Variants in PDGFD observed in about 807,000 individuals in gnomAD.
The protein encoded by PDGFD is platelet derived growth factor D.
PDGFD carries 30 observed loss-of-function variants against 44.7 expected under a neutral mutation model. The ratio of observed to expected loss-of-function variants is 0.67; its 90% CI spans 0.50 to 0.91. PDGFD has a LOEUF of 0.91. Among genes scored for constraint, PDGFD ranks in the 40% least tolerant of loss-of-function variants. PDGFD has a pLI of 0.00. For synonymous variants in PDGFD, 173 were observed against 168.4 expected (o/e 1.03, Z -0.21); for missense variants, 445 against 457.8 (o/e 0.97, Z 0.25).
At chr11:104,144,164 C>T (rs536758484) in intron 1 of PDGFD, among the ~76,000 whole-genome samples, 1 of 152,208 alleles carries the variant, frequency 6.6e-6, no homozygotes, top group Admixed American at 6.5e-5. Context: ...TAAAAAGCAA[C>T]AACAAGAAAA....
chr11:104,040,984 T>C (rs368871324), intron 1 of PDGFD, among the ~76,000 whole-genome samples: 2 of 152,040 alleles, frequency 1.3e-5, no homozygotes, highest in Non-Finnish European at 2.9e-5. Context: ...GCTTTTTGAT[T>C]TCAAATGCCA....
intron 5 of PDGFD, among the ~76,000 whole-genome samples, chr11:103,938,911 G>T (rs998554053): frequency 6.6e-6 from 1 of 152,066 alleles, no homozygotes; most frequent in East Asian, 1.9e-4. Context: ...TCCATTGGTT[G>T]ATATCTCTGT....
At position 103,984,778 on chromosome 11, in the gene PDGFD, T is replaced by C. The variant is rs1000550372; in HGVS notation, c.510+11287A>G. On this transcript the variant is annotated intron_variant, in intron 3 of 6. Coordinates refer to ENST00000393158, the MANE Select transcript of PDGFD (RefSeq NM_025208.5). ...ATGTGGCTGAGGTGCTAAAAACTAG[T>C]TAAATATATTAAATAATTATATTTA... Among the ~76,000 whole-genome samples the C allele has an allele frequency of 2.1e-5, 3 of 145,686 alleles. No homozygotes were observed. The Admixed American group carries it at 2.1e-4, about 10-fold the overall frequency.
At chr11:104,015,758 T>C (rs1412540705) in intron 1 of PDGFD, among the ~76,000 whole-genome samples, 1 of 152,206 alleles carries the variant, frequency 6.6e-6, no homozygotes, top group African/African-American at 2.4e-5. Flanking sequence ...AGTTACAATA[T>C]CATGTGAGAG....
At chr11:104,054,885 G>A (rs1424707176) in intron 1 of PDGFD, among the ~76,000 whole-genome samples, 1 of 152,216 alleles carries the variant, frequency 6.6e-6, no homozygotes, top group Non-Finnish European at 1.5e-5. Context: ...CCAAGCACAG[G>A]TGGAGGGAAC....
intron 1 of PDGFD, chr11:104,037,363 C>T (rs753466565): frequency 6.2e-7 from 1 of 1,614,126 alleles, no homozygotes; most frequent in South Asian, 1.1e-5. Flanking sequence ...GACCTTTTCT[C>T]AGGTGCTGAT....
intron 3 of PDGFD, among the ~76,000 whole-genome samples, chr11:103,993,860 A>T (rs925434736): frequency 6.6e-6 from 1 of 152,208 alleles, no homozygotes. Flanking sequence ...GTCTGTAGCT[A>T]TTCTCAATGG....
chr11:104,092,175 AT>A (rs1449240546), intron 1 of PDGFD, among the ~76,000 whole-genome samples: 2 of 152,148 alleles, frequency 1.3e-5, no homozygotes, highest in Non-Finnish European at 2.9e-5. Context: ...GAACCTGTGG[AT>A]ATCTGACTCC....
chr11:104,065,291 C>T (rs1162389715), intron 1 of PDGFD, among the ~76,000 whole-genome samples: 3 of 152,040 alleles, frequency 2.0e-5, no homozygotes, highest in African/African-American at 7.2e-5. Flanking sequence ...TATTTCTGTC[C>T]CTTTAGAGAA....
At chr11:103,943,887 C>T (rs1275300652) in intron 4 of PDGFD, among the ~76,000 whole-genome samples, 1 of 151,552 alleles carries the variant, frequency 6.6e-6, no homozygotes, top group African/African-American at 2.4e-5. Flanking sequence ...GATCAGAAAA[C>T]TTCCAGTTTA....
rs1216141292 is a variant in PDGFD at position 103,952,750 on chromosome 11, A to AT, written c.511-5027dup. On this transcript the variant is annotated intron_variant, in intron 3 of 6. Coordinates refer to ENST00000393158, the MANE Select transcript of PDGFD (RefSeq NM_025208.5). ...AAACATCTCAATCTGCATTGCCTTA[A>AT]TTAATAAAATTAATTTATACCATTA... Among the ~76,000 whole-genome samples, 115 of 152,298 alleles carry AT rather than the reference A, an allele frequency of 7.6e-4. 1 individual carries two copies. The East Asian group carries it at 0.019, about 25-fold the overall frequency.
At chr11:104,110,247 A>G (rs913243552) in intron 1 of PDGFD, among the ~76,000 whole-genome samples, 4 of 152,072 alleles carry the variant, frequency 2.6e-5, no homozygotes, top group Admixed American at 6.6e-5. Context: ...AGTGCTGCCA[A>G]TGAGGCTCTT....
At position 103,943,470 on chromosome 11, in the gene PDGFD, G is replaced by A. The variant is rs1385092868; in HGVS notation, c.754C>T (p.His252Tyr). Residue 252 changes from histidine (H) to tyrosine (Y), a missense_variant, in exon 5 of 7, where the codon CAT (histidine) becomes TAT (tyrosine). His to Tyr is a moderately conservative substitution (Grantham distance 83). Transcript: ENST00000393158. The stretch of plus-strand genomic sequence containing the variant: ...CTCTTACCTTTTGACTTCCGGTCAT[G>A]GTATGACCTGCCTCGATACCGAGGG... ...DTPRYRGRSY[H>Y]DRKSKVDLDR... The A allele has an allele frequency of 1.2e-6, 2 of 1,612,176 alleles. No individual in the cohort carries two copies. Among genetic ancestry groups the A allele is most frequent in the South Asian group, 1.1e-5 (1 of 90,928 alleles).
intron 1 of PDGFD, among the ~76,000 whole-genome samples, chr11:104,079,540 G>A (rs7927377): frequency 1.8e-3 from 276 of 151,850 alleles, no homozygotes; most frequent in African/African-American, 6.5e-3. Flanking sequence ...GGTGCCTGCC[G>A]CCACGCTCAG....
intron 1 of PDGFD, among the ~76,000 whole-genome samples, chr11:104,163,011 AC>A (rs1862411688): frequency 6.6e-6 from 1 of 152,188 alleles, no homozygotes; most frequent in South Asian, 2.1e-4. Context: ...GGAACCAGTG[AC>A]CCAGGTGTCC....
At chr11:104,073,692 A>G (rs1375309883) in intron 1 of PDGFD, among the ~76,000 whole-genome samples, 1 of 152,204 alleles carries the variant, frequency 6.6e-6, no homozygotes, top group East Asian at 1.9e-4. Flanking sequence ...GTGTTACTTT[A>G]GACATAAATG....
chr11:104,082,727 G>A (rs1353684674), intron 1 of PDGFD, among the ~76,000 whole-genome samples: 1 of 152,080 alleles, frequency 6.6e-6, no homozygotes, highest in Non-Finnish European at 1.5e-5. Flanking sequence ...GAACTTCTGG[G>A]CTCAAGCAAT....
intron 1 of PDGFD, among the ~76,000 whole-genome samples, chr11:104,054,664 A>G (rs1221788578): frequency 6.6e-6 from 1 of 152,236 alleles, no homozygotes; most frequent in African/African-American, 2.4e-5. Context: ...AAGTAATGAC[A>G]GCAAACGTAG....
intron 1 of PDGFD, among the ~76,000 whole-genome samples, chr11:104,100,549 G>A (rs902511551): frequency 4.6e-5 from 7 of 151,454 alleles, no homozygotes. Context: ...GGAGCAGCTG[G>A]TACCATTCCA....
Sources: allele counts gnomAD v4.1 joint callset (sites outside exome capture counted in the v4.1 genomes callset), GRCh38; gene constraint gnomAD v4.1.1; transcripts MANE v1.5; gene names NCBI Gene and HGNC (gene_info 2026-07-23, HGNC 2026-07-21).